Variants in SEMA5A observed in about 807,000 individuals in gnomAD.
SEMA5A encodes the protein semaphorin 5A, also known as semaphorin-5A.
Under a neutral mutation model 135.5 loss-of-function variants are expected in SEMA5A, and 55 were observed. The ratio of observed to expected loss-of-function variants is 0.41; its 90% confidence interval spans 0.33 to 0.51. SEMA5A has a LOEUF of 0.51. SEMA5A is among the 20% of genes least tolerant of loss of function. The probability of loss-of-function intolerance (pLI) is 0.37; values close to 1 mark genes in which losing one functional copy is unlikely to be tolerated. For synonymous variants in SEMA5A, 580 were observed against 546.5 expected (o/e 1.06, Z -0.85); for missense variants, 1,290 against 1,419.9 (o/e 0.91, Z 1.47).
At chr5:9,228,438 G>A (rs1214740870) in intron 6 of SEMA5A, among the ~76,000 whole-genome samples, 1 of 152,206 alleles carries the variant, frequency 6.6e-6, no homozygotes, top group African/African-American at 2.4e-5. Flanking sequence ...GTACAGAGGA[G>A]CTCACATAGA....
In SEMA5A at chr5:9,334,685, C is replaced by CT. The variant is rs907946950; in HGVS notation, c.224+3027dup. Among the ~76,000 whole-genome samples the CT allele has an allele frequency of 7.8e-4, 119 of 151,664 alleles. 1 individual carries two copies. Among genetic ancestry groups the CT allele is most frequent in the Middle Eastern group, 3.4e-3 (1 of 292 alleles). ...GAGTCACTTAGGTAGGGGCCAGCCTCTTTTTTTTTCTGTTATTATTTATCA... is the reference window on the plus strand; with the variant it reads ...GAGTCACTTAGGTAGGGGCCAGCCTCTTTTTTTTTTCTGTTATTATTTATCA... On this transcript the variant is annotated intron_variant, in intron 4 of 22. Coordinates refer to ENST00000382496, the MANE Select transcript of SEMA5A (RefSeq NM_003966.3).
chr5:9,397,567 T>G (rs147098057), intron 2 of SEMA5A, among the ~76,000 whole-genome samples: 1 of 152,340 alleles, frequency 6.6e-6, no homozygotes, highest in Non-Finnish European at 1.5e-5. Flanking sequence ...ACACACCCAA[T>G]CATTAGAACA....
rs1325633746 is a variant in SEMA5A, at chr5:9,545,946, G to C, written c.-537C>G. 6.6e-6 allele frequency: 1 copy of C among 152,514 alleles called. No homozygotes were observed. Among genetic ancestry groups the C allele is most frequent in the Non-Finnish European group, 1.5e-5 (1 of 68,366 alleles). The allele number at this position is 152,514 out of a possible 1,614,324, so 9.4% of individuals were successfully genotyped here. A position where few individuals can be genotyped will look rare whatever the true frequency, so the allele number is the denominator to read the frequency against. ...GCCGCCCCTGCACGGGGAAGGTGGA[G>C]GGCCGGGGCTGCAGCGGGCCAAGGG... On this transcript the variant is annotated 5_prime_UTR_variant, in exon 1 of 23. Transcript: ENST00000382496. This position sits in a 1 kb window ranked among gnomAD's most constrained non-coding sequence, Gnocchi z 4.5.
intron 1 of SEMA5A, among the ~76,000 whole-genome samples, chr5:9,535,101 TG>T (rs1737683702): frequency 1.3e-5 from 2 of 152,226 alleles, no homozygotes; most frequent in Admixed American, 6.5e-5. Context: ...AGCTTCATCC[TG>T]AAGATCCTCG....
At chr5:9,140,845 A>G (rs1319880811) in intron 12 of SEMA5A, among the ~76,000 whole-genome samples, 1 of 152,144 alleles carries the variant, frequency 6.6e-6, no homozygotes, top group Non-Finnish European at 1.5e-5. Context: ...TTAAACCTCC[A>G]AAAAGGGAAA....
intron 13 of SEMA5A, among the ~76,000 whole-genome samples, chr5:9,123,873 C>T (rs752160769): frequency 6.6e-5 from 10 of 152,202 alleles, no homozygotes; most frequent in Non-Finnish European, 1.3e-4. Context: ...TAGAATCCGA[C>T]GATGGATTCA....
intron 2 of SEMA5A, among the ~76,000 whole-genome samples, chr5:9,417,188 A>G (rs568710561): frequency 2.0e-5 from 3 of 152,226 alleles, no homozygotes; most frequent in Non-Finnish European, 2.9e-5. Context: ...TGCTGCTTTT[A>G]CATTTTGCCC....
At chr5:9,418,031 C>A (rs1757339967) in intron 2 of SEMA5A, among the ~76,000 whole-genome samples, 1 of 150,474 alleles carries the variant, frequency 6.6e-6, no homozygotes, top group South Asian at 2.1e-4. Context: ...GGCTGGATTG[C>A]AGTGGCGTGA....
At chr5:9,446,935 C>T (rs374668560) in intron 1 of SEMA5A, among the ~76,000 whole-genome samples, 70 of 152,306 alleles carry the variant, frequency 4.6e-4, no homozygotes, top group African/African-American at 1.7e-3. Flanking sequence ...CCACATCTGA[C>T]ACCAAACCTT....
chr5:9,288,812 A>G (rs1192943847), intron 5 of SEMA5A, among the ~76,000 whole-genome samples: 5 of 152,254 alleles, frequency 3.3e-5, no homozygotes, highest in African/African-American at 7.2e-5. Context: ...TAGCTAATGT[A>G]CAAGTTGTAA....
At chr5:9,411,410 G>A (rs896455764) in intron 2 of SEMA5A, among the ~76,000 whole-genome samples, 2 of 152,190 alleles carry the variant, frequency 1.3e-5, no homozygotes, top group Non-Finnish European at 2.9e-5. Flanking sequence ...CGTGCATGCT[G>A]CCTGAAGTGG....
chr5:9,475,784 T>G (rs1029163499), intron 1 of SEMA5A, among the ~76,000 whole-genome samples: 4 of 152,188 alleles, frequency 2.6e-5, no homozygotes, highest in African/African-American at 9.7e-5. Flanking sequence ...GCAAAGAACC[T>G]GGCAATTAAT....
chr5:9,468,863 A>G (rs1330744078), intron 1 of SEMA5A, among the ~76,000 whole-genome samples: 1 of 152,232 alleles, frequency 6.6e-6, no homozygotes, highest in Non-Finnish European at 1.5e-5. Flanking sequence ...ACATATTTAA[A>G]GCATTTCATA....
intron 12 of SEMA5A, among the ~76,000 whole-genome samples, chr5:9,154,062 A>AAAT (rs1159261162): frequency 1.0e-4 from 7 of 68,298 alleles, no homozygotes; most frequent in African/African-American, 3.3e-4. Context: ...AAAAAAAAAA[A>AAAT]ATATATATAT....
At chr5:9,388,150 G>A (rs896630617) in intron 2 of SEMA5A, among the ~76,000 whole-genome samples, 15 of 152,088 alleles carry the variant, frequency 9.9e-5, no homozygotes, top group Non-Finnish European at 5.9e-5. Flanking sequence ...GGAATTTTAT[G>A]GCTATATAAA....
chr5:9,277,692 A>G (rs1266293027), intron 5 of SEMA5A, among the ~76,000 whole-genome samples: 1 of 152,198 alleles, frequency 6.6e-6, no homozygotes, highest in Admixed American at 6.5e-5. Flanking sequence ...GGAAACCATC[A>G]TTCTCAGTAA....
Position 9,430,294 on chromosome 5 carries a change from T to C in SEMA5A, c.-78+7462A>G, listed in dbSNP as rs796389432. Among the ~76,000 whole-genome samples, 6 of 152,126 alleles carry C rather than the reference T, an allele frequency of 3.9e-5. No homozygotes were observed. In the East Asian group the frequency reaches 5.8e-4, roughly 15 times the overall value. ...AGAGTTCAGTTTGGACATGGTTAAT[T>C]TGAAGACATAAATTAGACATCCAGT... On this transcript the variant is annotated intron_variant, in intron 2 of 22. Transcript: ENST00000382496.
At position 9,530,488 on chromosome 5, in the gene SEMA5A, T is replaced by C. The variant is rs146964898; in HGVS notation, c.-175+15096A>G. On this transcript the variant is annotated intron_variant, in intron 1 of 22. Transcript: ENST00000382496. ...AATAAATAATAAAATGTTCTTTTTT[T>C]TTATTTTAAAGTTATTTGCCAAAAT... Among the ~76,000 whole-genome samples the C allele has an allele frequency of 2.4e-3, 371 of 152,332 alleles. 3 individuals are homozygous for C. Among genetic ancestry groups the C allele is most frequent in the African/African-American group, 8.6e-3 (358 of 41,584 alleles).
intron 1 of SEMA5A, among the ~76,000 whole-genome samples, chr5:9,499,624 T>C (rs1197072728): frequency 1.3e-5 from 2 of 152,256 alleles, no homozygotes; most frequent in African/African-American, 2.4e-5. Flanking sequence ...ACAGGCAGCA[T>C]CTTTACTCAT....
Sources: allele counts gnomAD v4.1 joint callset (sites outside exome capture counted in the v4.1 genomes callset), GRCh38; gene constraint gnomAD v4.1.1; non-coding constraint Gnocchi (gnomAD v3.1); transcripts MANE v1.5; gene names NCBI Gene and HGNC (gene_info 2026-07-23, HGNC 2026-07-21).